Variants in YTHDC2 observed in about 807,000 individuals in gnomAD.
YTHDC2 encodes YTH N6-methyladenosine RNA binding protein C2.
In YTHDC2, 45 loss-of-function variants were observed where a neutral mutation model predicts 174.9. The ratio of observed to expected loss-of-function variants is 0.26; its 90% CI spans 0.20 to 0.33. The LOEUF (loss-of-function observed/expected upper bound fraction) is 0.33, where lower values mean the gene tolerates loss of function less well. Among genes scored for constraint, YTHDC2 ranks in the 10% least tolerant of loss-of-function variants. The pLI is 1.00. For synonymous variants in YTHDC2, 657 were observed against 574.5 expected (o/e 1.14, Z -2.05); for missense variants, 1,650 against 1,723.7 (o/e 0.96, Z 0.76).
chr5:113,592,446 G>A (rs1779059662), intron 28 of YTHDC2: 1 of 265,196 alleles, frequency 3.8e-6, no homozygotes, highest in Non-Finnish European at 7.1e-6. Context: ...TTATATTCTA[G>A]TGGCTTGTTT....
chr5:113,590,444 A>G (rs752044068), intron 26 of YTHDC2, among the ~76,000 whole-genome samples: 10 of 152,128 alleles, frequency 6.6e-5, no homozygotes, highest in African/African-American at 2.4e-4. Flanking sequence ...TGTTTGGTCT[A>G]CTTGTTTTCC....
At chr5:113,578,969 G>T (rs968406722) in intron 23 of YTHDC2, among the ~76,000 whole-genome samples, 1 of 151,810 alleles carries the variant, frequency 6.6e-6, no homozygotes, top group African/African-American at 2.4e-5. Flanking sequence ...AATGCATTCT[G>T]TATTTTTATA....
At chr5:113,563,147 G>A (rs554003208) in intron 18 of YTHDC2, among the ~76,000 whole-genome samples, 1 of 152,084 alleles carries the variant, frequency 6.6e-6, no homozygotes, top group African/African-American at 2.4e-5. Flanking sequence ...GGGAGCAATG[G>A]CAATCTTGGT....
At position 113,548,259 on chromosome 5, in the gene YTHDC2, G is replaced by T. The variant is rs1056729640; in HGVS notation, c.1496-282G>T. On this transcript the variant is annotated intron_variant, in intron 10 of 29. Coordinates refer to ENST00000161863, the MANE Select transcript of YTHDC2 (RefSeq NM_022828.5). The stretch of plus-strand genomic sequence containing the variant: ...TGCAAGTTAATAGCTTTCCTTTTCT[G>T]TTGAAATAATATAGATGAGCTTAAA... Among the ~76,000 whole-genome samples the T allele has an allele frequency of 3.3e-5, 5 of 152,268 alleles. No homozygotes were observed. In the East Asian group the frequency reaches 9.6e-4, roughly 29 times the overall value.
rs1274138776 is a variant in YTHDC2 at position 113,584,398 on chromosome 5, A to G, written c.3744A>G (p.Ser1248=). The change falls in exon 26 of 30, where the codon TCA becomes TCG. Residue 1248 remains serine, a synonymous_variant. Coordinates refer to ENST00000161863, the MANE Select transcript of YTHDC2 (RefSeq NM_022828.5). ...CTAAACGAGGTACTGAGGACCGATC[A>G]GATCAGTCTTCTCTGAAATCTACAG... is the stretch of plus-strand genomic sequence containing the variant. ...LHPKRGTEDR[S]DQSSLKSTDS... is the part of the protein sequence containing the mutation. The G allele has an allele frequency of 1.9e-6, 3 of 1,613,866 alleles. No individual in the cohort carries two copies. Among genetic ancestry groups the G allele is most frequent in the African/African-American group, 2.7e-5 (2 of 74,920 alleles).
At chr5:113,558,684 G>A (rs1385235204) in intron 17 of YTHDC2, among the ~76,000 whole-genome samples, 1 of 152,018 alleles carries the variant, frequency 6.6e-6, no homozygotes, top group Admixed American at 6.6e-5. Context: ...AGTGGATTGG[G>A]AGGCTGAGGC....
intron 23 of YTHDC2, among the ~76,000 whole-genome samples, chr5:113,573,118 T>G (rs1378160386): frequency 6.6e-6 from 1 of 152,204 alleles, no homozygotes; most frequent in Non-Finnish European, 1.5e-5. Flanking sequence ...ATTTTTCCCT[T>G]TCATATTTAG....
chr5:113,585,239 A>T (rs186520861), intron 26 of YTHDC2, among the ~76,000 whole-genome samples: 5 of 151,952 alleles, frequency 3.3e-5, no homozygotes, highest in Admixed American at 2.6e-4. Context: ...GGAAGGTAGG[A>T]GATGTTGATA....
At chr5:113,566,076 T>G (rs1777310482) in intron 21 of YTHDC2, 57 bp downstream of exon 21, 1 of 1,473,686 alleles carries the variant, frequency 6.8e-7, no homozygotes, top group South Asian at 1.5e-5. Context: ...CTGCCCATAT[T>G]TCATAGTATT....
chr5:113,534,431 A>G lies in YTHDC2; in HGVS notation c.945+24A>G, dbSNP rs370752753. On this transcript the variant is annotated intron_variant, in intron 6 of 29. Transcript: ENST00000161863. Reference sequence around the variant, plus strand: ...TGGTAAGAATATTGCTGAATTTGTCATATGTAACTCAGATTGCTTAAAATT... The same window carrying G: ...TGGTAAGAATATTGCTGAATTTGTCGTATGTAACTCAGATTGCTTAAAATT... 5.6e-6 allele frequency: 9 copies of G among 1,593,330 alleles called. No individual in the cohort carries two copies. In the African/African-American group the frequency reaches 9.4e-5, roughly 17 times the overall value.
intron 1 of YTHDC2, 29 bp from the exon 2 acceptor site, chr5:113,515,243 T>C (rs1406580172): frequency 6.3e-7 from 1 of 1,577,998 alleles, no homozygotes; most frequent in Non-Finnish European, 8.6e-7. Context: ...TATCTACAAA[T>C]TTTACTACTT....
At chr5:113,589,273 T>A (rs1462066081) in intron 26 of YTHDC2, among the ~76,000 whole-genome samples, 1 of 151,636 alleles carries the variant, frequency 6.6e-6, no homozygotes, top group East Asian at 1.9e-4. Flanking sequence ...TTCAGATAGT[T>A]CTACTGTTTT....
In YTHDC2 at chr5:113,563,496, G is replaced by A; in HGVS notation, c.2442+4G>A. ...AAATGCTGTACAAATGCTTAAGGTT[G>A]GTGTCTTCATAGTTTTATTTTACAT... On this transcript the variant is annotated splice_donor_region_variant and intron_variant, in intron 19 of 29. Coordinates refer to ENST00000161863, the MANE Select transcript of YTHDC2 (RefSeq NM_022828.5). 2 of 1,592,808 alleles carry A rather than the reference G, an allele frequency of 1.3e-6. No individual in the cohort carries two copies. Among genetic ancestry groups the A allele is most frequent in the Non-Finnish European group, 1.7e-6 (2 of 1,171,194 alleles).
Position 113,591,741 on chromosome 5 carries a change from C to T in YTHDC2, c.4030-255C>T, listed in dbSNP as rs190996780. 2.8e-4 allele frequency among the ~76,000 whole-genome samples: 43 copies of T among 152,058 alleles called. 1 individual carries two copies. The highest frequency in any genetic ancestry group is 6.9e-3 in the Middle Eastern group (2 of 290). The stretch of plus-strand genomic sequence containing the variant: ...ATTTATCATGGAATAAAAATATGGA[C>T]TTTGCTATTTTATTTAGAAATCATT... On this transcript the variant is annotated intron_variant, in intron 27 of 29. Coordinates refer to ENST00000161863, the MANE Select transcript of YTHDC2 (RefSeq NM_022828.5).
At chr5:113,533,187 A>T in intron 5 of YTHDC2, 142 bp downstream of exon 5, 2 of 874,766 alleles carry the variant, frequency 2.3e-6, no homozygotes, top group East Asian at 2.7e-5. Context: ...TATTAAAGTC[A>T]TGTCTAAATC....
chr5:113,542,266 A>T, intron 9 of YTHDC2, 102 bp from the exon 10 acceptor site: 12 of 1,204,808 alleles, frequency 1.0e-5, no homozygotes, highest in Non-Finnish European at 1.3e-5. Context: ...CTATATTATC[A>T]TAGGATTAGT....
intron 19 of YTHDC2, 49 bp from the exon 20 acceptor site, chr5:113,563,810 A>C: frequency 6.3e-7 from 1 of 1,596,882 alleles, no homozygotes; most frequent in Non-Finnish European, 8.6e-7. Context: ...ATGTGTTTTG[A>C]TTAAACAGTT....
intron 16 of YTHDC2, among the ~76,000 whole-genome samples, chr5:113,555,537 A>G (rs1479294230): frequency 6.6e-6 from 1 of 152,198 alleles, no homozygotes; most frequent in African/African-American, 2.4e-5. Context: ...GGAAAGGCTA[A>G]CTTTGTTAGT....
At chr5:113,546,042 A>ATTTTTTGAAAAATAATTGG in intron 10 of YTHDC2, among the ~76,000 whole-genome samples, 1 of 151,854 alleles carries the variant, frequency 6.6e-6, no homozygotes, top group Non-Finnish European at 1.5e-5. Context: ...GCCCGGCCTG[A>ATTTTTTGAAAAATAATTGG]TCTCCATTTT....
Sources: gnomAD v4.1 joint callset for allele counts (sites outside exome capture counted in the v4.1 genomes callset) on GRCh38, gnomAD v4.1.1 for gene constraint, MANE v1.5 for transcripts, NCBI Gene and HGNC (gene_info 2026-07-23, HGNC 2026-07-21) for gene names.